Variants in PTPRD observed in about 807,000 individuals in gnomAD.
The protein encoded by PTPRD is receptor-type tyrosine-protein phosphatase delta.
In PTPRD, 34 loss-of-function variants were observed where a neutral mutation model predicts 214.5. The ratio of observed to expected loss-of-function variants is 0.16; its 90% CI spans 0.12 to 0.21. PTPRD has a LOEUF of 0.21. Ranked by LOEUF, PTPRD falls within the 10% of genes least tolerant of loss-of-function variation. The pLI, the probability that PTPRD is intolerant of heterozygous loss-of-function variation, is 1.00. For synonymous variants in PTPRD, 1,128 were observed against 845.7 expected (o/e 1.33, Z -5.79); for missense variants, 2,545 against 2,398.7 (o/e 1.06, Z -1.27).
At chr9:10,385,545 TTC>T (rs557117111) in intron 2 of PTPRD, among the ~76,000 whole-genome samples, 280 of 151,936 alleles carry the variant, frequency 1.8e-3, no homozygotes, top group Non-Finnish European at 2.5e-3. Flanking sequence ...TGTGAGTATA[TTC>T]TCTTTCCTGA....
At chr9:9,560,391 G>A (rs148286970) in intron 8 of PTPRD, among the ~76,000 whole-genome samples, 25 of 152,198 alleles carry the variant, frequency 1.6e-4, no homozygotes, top group African/African-American at 5.1e-4. Context: ...TGTATTTCCC[G>A]CAGCACAGTT....
chr9:8,624,331 C>A (rs2095936821), intron 14 of PTPRD, among the ~76,000 whole-genome samples: 1 of 151,850 alleles, frequency 6.6e-6, no homozygotes, highest in Non-Finnish European at 1.5e-5. Flanking sequence ...GTTGTATCAT[C>A]CTATTTCCTT....
chr9:9,682,909 G>T lies in PTPRD; in HGVS notation c.-287+51624C>A, dbSNP rs183908887. ...AGAGAGTTTTCTGGGTCTCTAATAA[G>T]GTGGTGATGGGGAATGCCACTGGAA... is the stretch of plus-strand genomic sequence containing the variant. On this transcript the variant is annotated intron_variant, in intron 7 of 45. Coordinates refer to ENST00000381196, the MANE Select transcript of PTPRD (RefSeq NM_002839.4). Among the ~76,000 whole-genome samples, 16 of 151,814 alleles carry T rather than the reference G, an allele frequency of 1.1e-4. No homozygotes were observed. In the East Asian group the frequency reaches 2.9e-3, roughly 28 times the overall value.
intron 12 of PTPRD, among the ~76,000 whole-genome samples, chr9:8,710,592 G>A (rs1441193793): frequency 6.6e-6 from 1 of 152,032 alleles, no homozygotes; most frequent in Non-Finnish European, 1.5e-5. Context: ...CTCCAGTCTG[G>A]GTGACAGAGT....
chr9:9,077,871 CCTTT>C (rs1484944648), intron 10 of PTPRD, among the ~76,000 whole-genome samples: 1 of 152,044 alleles, frequency 6.6e-6, no homozygotes, highest in Non-Finnish European at 1.5e-5. Context: ...TACATTTTCT[CCTTT>C]CTCTCAAACT....
chr9:9,214,228 G>T (rs992183419), intron 9 of PTPRD, among the ~76,000 whole-genome samples: 6 of 152,214 alleles, frequency 3.9e-5, no homozygotes, highest in Non-Finnish European at 8.8e-5. Context: ...TTCCCTCTGA[G>T]TGATCAGTGC....
At chr9:8,796,958 T>C (rs2096445519) in intron 11 of PTPRD, among the ~76,000 whole-genome samples, 1 of 152,130 alleles carries the variant, frequency 6.6e-6, no homozygotes, top group African/African-American at 2.4e-5. Context: ...GTTTATGGAA[T>C]TGAATAATCC....
intron 11 of PTPRD, among the ~76,000 whole-genome samples, chr9:8,817,759 T>A (rs2096952022): frequency 6.6e-6 from 1 of 152,252 alleles, no homozygotes; most frequent in Non-Finnish European, 1.5e-5. Context: ...GTGTCTAGCC[T>A]CTGTCCTAAC....
chr9:8,347,859 A>G (rs2074310275), intron 39 of PTPRD, among the ~76,000 whole-genome samples: 1 of 152,098 alleles, frequency 6.6e-6, no homozygotes, highest in Non-Finnish European at 1.5e-5. Context: ...TCCTGAAACC[A>G]ACTCTGCCAG....
chr9:9,375,093 G>A (rs557989726), intron 9 of PTPRD, among the ~76,000 whole-genome samples: 2 of 152,220 alleles, frequency 1.3e-5, no homozygotes, highest in African/African-American at 4.8e-5. Context: ...GTGTATGTGC[G>A]TGTGTGTGTT....
intron 36 of PTPRD, among the ~76,000 whole-genome samples, chr9:8,392,134 C>G (rs1037211638): frequency 1.3e-5 from 2 of 151,940 alleles, no homozygotes; most frequent in Admixed American, 1.3e-4. Context: ...CCTATAATCC[C>G]AACATTTTGA....
At chr9:10,046,328 T>G (rs966488340) in intron 3 of PTPRD, among the ~76,000 whole-genome samples, 22 of 151,836 alleles carry the variant, frequency 1.4e-4, no homozygotes, top group African/African-American at 5.3e-4. Context: ...TTCTAACATT[T>G]TATCTTAGAA....
rs535976061 is a variant in PTPRD at position 9,319,155 on chromosome 9, C to T, written c.-203+78294G>A. ...AAAATGTTTCACTTCAGCAGTGGCACGGGGTGAATGACTCACCCTTGAAAA... is the reference window on the plus strand; with the variant it reads ...AAAATGTTTCACTTCAGCAGTGGCATGGGGTGAATGACTCACCCTTGAAAA... On this transcript the variant is annotated intron_variant, in intron 9 of 45. Coordinates refer to ENST00000381196, the MANE Select transcript of PTPRD (RefSeq NM_002839.4). Among the ~76,000 whole-genome samples, 6 of 152,250 alleles carry T rather than the reference C, an allele frequency of 3.9e-5. No individual in the cohort carries two copies. The South Asian group carries it at 6.2e-4, about 16-fold the overall frequency.
intron 8 of PTPRD, among the ~76,000 whole-genome samples, chr9:9,402,978 A>AAC (rs2071367173): frequency 6.9e-6 from 1 of 144,622 alleles, no homozygotes; most frequent in African/African-American, 2.7e-5. Flanking sequence ...AAAAAAAAAA[A>AAC]AAAAAAAAAA....
At chr9:8,658,274 A>G (rs1455257811) in intron 12 of PTPRD, among the ~76,000 whole-genome samples, 1 of 152,204 alleles carries the variant, frequency 6.6e-6, no homozygotes, top group African/African-American at 2.4e-5. Context: ...TTATATGTAA[A>G]TAGCAATTTA....
chr9:10,464,486 GGAAGATGAAGAT>G (rs148091582), intron 2 of PTPRD, among the ~76,000 whole-genome samples: 13 of 150,492 alleles, frequency 8.6e-5, no homozygotes, highest in East Asian at 2.0e-4. Context: ...GAGAAAGACA[GGAAGATGAAGAT>G]GAAGATGAAG....
At chr9:10,455,211 CG>C (rs1213413774) in intron 2 of PTPRD, among the ~76,000 whole-genome samples, 3 of 151,630 alleles carry the variant, frequency 2.0e-5, no homozygotes, top group African/African-American at 7.2e-5. Context: ...GCACTGCTGA[CG>C]AGAGCTTTCC....
intron 4 of PTPRD, among the ~76,000 whole-genome samples, chr9:10,023,046 T>C (rs2096854197): frequency 6.6e-6 from 1 of 152,170 alleles, no homozygotes; most frequent in Admixed American, 6.5e-5. Flanking sequence ...AAAATTAAAA[T>C]AATATTTTAC....
intron 3 of PTPRD, among the ~76,000 whole-genome samples, chr9:10,066,863 G>A (rs970597296): frequency 1.1e-4 from 17 of 151,566 alleles, no homozygotes; most frequent in South Asian, 8.3e-4. Flanking sequence ...GTACTGTCTC[G>A]TGTTTCTTAA....
Sources: allele counts gnomAD v4.1 joint callset (sites outside exome capture counted in the v4.1 genomes callset), GRCh38; gene constraint gnomAD v4.1.1; transcripts MANE v1.5; gene names NCBI Gene and HGNC (gene_info 2026-07-23, HGNC 2026-07-21).